PTPRG: variants seen among roughly 807,000 people sequenced by gnomAD.
The protein encoded by PTPRG is receptor-type tyrosine-protein phosphatase gamma.
PTPRG carries 102 observed loss-of-function variants against 165.3 expected under a neutral mutation model. The ratio of observed to expected loss-of-function variants is 0.62; its 90% CI spans 0.53 to 0.73. The LOEUF is 0.73. Ranked by LOEUF, PTPRG falls within the 30% of genes least tolerant of loss-of-function variation. PTPRG has a pLI of 0.00. For synonymous variants in PTPRG, 675 were observed against 669.5 expected, an observed-to-expected ratio of 1.01 and a Z score of -0.13; for missense variants, 1,866 against 1,861.4, an observed-to-expected ratio of 1.00 and a Z score of -0.05.
chr3:61,901,159 C>T lies in PTPRG; in HGVS notation c.191-88466C>T, dbSNP rs947749972. 4.6e-5 allele frequency among the ~76,000 whole-genome samples: 7 copies of T among 152,280 alleles called. No homozygotes were observed. The South Asian group carries it at 6.2e-4, about 14-fold the overall frequency. On this transcript the variant is annotated intron_variant, in intron 2 of 29. Transcript: ENST00000474889. ...GTCTACATTTAAATATTTTTAAGCT[C>T]GGCTACCAATAAACTTAATGGCTTA...
intron 1 of PTPRG, among the ~76,000 whole-genome samples, chr3:61,715,179 CTTTGT>C (rs916989981): frequency 6.8e-5 from 10 of 147,840 alleles, no homozygotes; most frequent in Non-Finnish European, 1.3e-4. Context: ...CTTTTTTTTT[CTTTGT>C]TTTTTTTTTT....
In PTPRG at chr3:61,877,978, T is replaced by C. The variant is rs115300789; in HGVS notation, c.191-111647T>C. ...CTCCTCGCACAATAGAGTGTTTAAT[T>C]TGAAATGCTGCCAAGGCTCATTAAG... On this transcript the variant is annotated intron_variant, in intron 2 of 29. Coordinates refer to ENST00000474889, the MANE Select transcript of PTPRG (RefSeq NM_002841.4). Among the ~76,000 whole-genome samples the C allele has an allele frequency of 3.9e-3, 594 of 152,322 alleles. 3 individuals are homozygous for C. The highest frequency in any genetic ancestry group is 6.9e-3 in the Non-Finnish European group (468 of 68,024).
intron 2 of PTPRG, among the ~76,000 whole-genome samples, chr3:61,761,216 A>G (rs2106966315): frequency 6.6e-6 from 1 of 152,292 alleles, no homozygotes; most frequent in Non-Finnish European, 1.5e-5. Context: ...AATTCCCACC[A>G]ACAGTGTAAA....
chr3:61,820,124 A>G (rs2035908147), intron 2 of PTPRG, among the ~76,000 whole-genome samples: 1 of 152,180 alleles, frequency 6.6e-6, no homozygotes, highest in South Asian at 2.1e-4. Context: ...TCAGAGGAGC[A>G]GAAAAAAGGA....
chr3:61,851,130 G>T (rs2036952820), intron 2 of PTPRG, among the ~76,000 whole-genome samples: 1 of 152,176 alleles, frequency 6.6e-6, no homozygotes, highest in Non-Finnish European at 1.5e-5. Flanking sequence ...AGTAACCTAT[G>T]CTGTCAGTCA....
intron 2 of PTPRG, among the ~76,000 whole-genome samples, chr3:61,950,045 C>T (rs1244262644): frequency 6.6e-6 from 1 of 152,192 alleles, no homozygotes; most frequent in Non-Finnish European, 1.5e-5. Context: ...TGAGCCCGGC[C>T]AAGCCTTTAG....
intron 2 of PTPRG, among the ~76,000 whole-genome samples, chr3:61,774,399 C>T (rs1388133804): frequency 6.6e-6 from 1 of 152,186 alleles, no homozygotes; most frequent in Non-Finnish European, 1.5e-5. Context: ...CTTGCTGGCA[C>T]TTGAAAATTT....
chr3:61,952,845 A>T (rs927080140), intron 2 of PTPRG, among the ~76,000 whole-genome samples: 1 of 152,126 alleles, frequency 6.6e-6, no homozygotes, highest in Non-Finnish European at 1.5e-5. Flanking sequence ...GCCACCACTA[A>T]ATAGTAATCT....
At chr3:62,261,389 C>T (rs1387570371) in intron 16 of PTPRG, among the ~76,000 whole-genome samples, 1 of 152,216 alleles carries the variant, frequency 6.6e-6, no homozygotes, top group Non-Finnish European at 1.5e-5. Context: ...CTTACGTAGA[C>T]TGATTTGTGA....
At chr3:62,212,076 G>A (rs1449915872) in intron 12 of PTPRG, among the ~76,000 whole-genome samples, 3 of 152,068 alleles carry the variant, frequency 2.0e-5, no homozygotes, top group African/African-American at 7.2e-5. Context: ...GAACGGCTGT[G>A]GGGAGGTTGT....
chr3:61,964,433 T>A (rs971098607), intron 2 of PTPRG, among the ~76,000 whole-genome samples: 3 of 152,192 alleles, frequency 2.0e-5, no homozygotes. Context: ...TGGGTGGCAT[T>A]GTCACATGCA....
At chr3:61,701,102 T>C (rs961821412) in intron 1 of PTPRG, among the ~76,000 whole-genome samples, 1 of 152,144 alleles carries the variant, frequency 6.6e-6, no homozygotes, top group Non-Finnish European at 1.5e-5. Context: ...TGCCCCTTTG[T>C]TCTGTTTAAG....
intron 2 of PTPRG, among the ~76,000 whole-genome samples, chr3:61,803,669 A>G (rs937701958): frequency 6.6e-6 from 1 of 152,092 alleles, no homozygotes; most frequent in African/African-American, 2.4e-5. Context: ...CAATAAAACA[A>G]TGTTGAAATG....
chr3:61,849,565 A>G (rs1348030010), intron 2 of PTPRG, among the ~76,000 whole-genome samples: 2 of 152,202 alleles, frequency 1.3e-5, no homozygotes, highest in Non-Finnish European at 2.9e-5. Context: ...GCTAAAGGTT[A>G]ATTAGTGAGA....
intron 6 of PTPRG, among the ~76,000 whole-genome samples, chr3:62,147,686 G>T (rs1576063023): frequency 2.0e-5 from 3 of 152,306 alleles, no homozygotes; most frequent in Admixed American, 6.5e-5. Context: ...TACTGTGCTT[G>T]TTTGTTTCTT....
In PTPRG at chr3:62,078,141, A is replaced by G. The variant is rs199695809; in HGVS notation, c.520-22A>G. On this transcript the variant is annotated intron_variant, in intron 4 of 29. Coordinates refer to ENST00000474889, the MANE Select transcript of PTPRG (RefSeq NM_002841.4). ...TTATGTTTGAAAATTTTCCTAATACATTTTTTTAATTGTTCTTACAGATGC... is the reference window on the plus strand; with the variant it reads ...TTATGTTTGAAAATTTTCCTAATACGTTTTTTTAATTGTTCTTACAGATGC... 4 of 1,511,086 alleles carry G rather than the reference A, an allele frequency of 2.6e-6. No homozygotes were observed. In the Admixed American group the frequency reaches 5.5e-5, roughly 21 times the overall value. 93.6% of individuals were successfully genotyped at this position (1,511,086 alleles called of 1,614,324 possible). A position where few individuals can be genotyped will look rare whatever the true frequency, so the allele number is the denominator to read the frequency against.
chr3:61,936,264 T>A (rs2039482194), intron 2 of PTPRG, among the ~76,000 whole-genome samples: 1 of 152,220 alleles, frequency 6.6e-6, no homozygotes, highest in African/African-American at 2.4e-5. Flanking sequence ...ACAGACAGAC[T>A]AAGACAATTA....
At chr3:61,681,864 T>A (rs1575586962) in intron 1 of PTPRG, among the ~76,000 whole-genome samples, 2 of 152,092 alleles carry the variant, frequency 1.3e-5, no homozygotes, top group African/African-American at 4.8e-5. Flanking sequence ...AAAAGTAAAC[T>A]AGTGGCCGGG....
At chr3:61,720,212 C>T (rs1240994714) in intron 1 of PTPRG, among the ~76,000 whole-genome samples, 1 of 152,002 alleles carries the variant, frequency 6.6e-6, no homozygotes, top group East Asian at 1.9e-4. Flanking sequence ...CTGCCTCCAC[C>T]TCCTGGGTTC....
Sources: allele counts gnomAD v4.1 joint callset (sites outside exome capture counted in the v4.1 genomes callset), GRCh38; gene constraint gnomAD v4.1.1; transcripts MANE v1.5; gene names NCBI Gene and HGNC (gene_info 2026-07-23, HGNC 2026-07-21).